The following EXD3 variants were observed in gnomAD, a reference collection of about 807,000 sequenced individuals.
The protein encoded by EXD3 is exonuclease 3'-5' domain containing 3, also known as exonuclease mut-7 homolog.
Under a neutral mutation model 98.0 loss-of-function variants are expected in EXD3, and 92 were observed. The ratio of observed to expected loss-of-function variants is 0.94; its 90% CI spans 0.79 to 1.12. EXD3 has a LOEUF of 1.12. Ranked by LOEUF, EXD3 falls within the 50% of genes most tolerant of loss-of-function variation. The pLI, the probability that EXD3 is intolerant of heterozygous loss-of-function variation, is 0.00. For synonymous variants in EXD3, 569 were observed against 526.0 expected, an observed-to-expected ratio of 1.08 and a Z score of -1.12; for missense variants, 1,222 against 1,191.6, an observed-to-expected ratio of 1.03 and a Z score of -0.38.
chr9:137,347,257 G>A lies in EXD3; in HGVS notation c.1998+814C>T, dbSNP rs139061382. ...TGAAATCACAGTGTTCGCGACGGCA[G>A]GCTCCTCTTAGGAGACTCCGGGGAA... On this transcript the variant is annotated intron_variant, in intron 17 of 21. Coordinates refer to ENST00000340951, the MANE Select transcript of EXD3 (RefSeq NM_017820.5). This position sits in a 1 kb window ranked among gnomAD's most constrained non-coding sequence, Gnocchi z 4.2. Among the ~76,000 whole-genome samples, 1 of 152,198 alleles carries A rather than the reference G, an allele frequency of 6.6e-6. No homozygotes were observed. The highest frequency in any genetic ancestry group is 1.5e-5 in the Non-Finnish European group (1 of 68,038).
At chr9:137,388,665 G>A (rs544727267) in intron 2 of EXD3, among the ~76,000 whole-genome samples, 1 of 152,278 alleles carries the variant, frequency 6.6e-6, no homozygotes, top group East Asian at 1.9e-4. Context: ...GGGACACCCG[G>A]CCTCCAGGCA....
At chr9:137,365,625 G>GCA in intron 7 of EXD3, 1 of 190,956 alleles carries the variant, frequency 5.2e-6, no homozygotes. Context: ...ACACCTGCAG[G>GCA]CACACACACG....
intron 19 of EXD3, among the ~76,000 whole-genome samples, chr9:137,322,319 G>A (rs200612936): frequency 6.8e-6 from 1 of 147,996 alleles, no homozygotes; most frequent in Non-Finnish European, 1.5e-5. Context: ...CACTAGGGAT[G>A]CTCTGCCGAC....
At chr9:137,367,793 T>A in intron 6 of EXD3, 143 bp downstream of exon 6, 1 of 739,152 alleles carries the variant, frequency 1.4e-6, no homozygotes, top group South Asian at 1.7e-5. Context: ...TAGGGGGCTC[T>A]GGAGGCCCTC....
intron 8 of EXD3, 35 bp from the exon 9 acceptor site, chr9:137,354,808 A>AG (rs1564506896): frequency 1.3e-6 from 2 of 1,587,276 alleles, no homozygotes; most frequent in South Asian, 2.2e-5. Context: ...CTGAGGGCTC[A>AG]GGGCAGCCTC....
intron 8 of EXD3, among the ~76,000 whole-genome samples, chr9:137,355,283 C>A (rs933456457): frequency 1.3e-5 from 2 of 152,132 alleles, no homozygotes; most frequent in African/African-American, 4.8e-5. Context: ...GAGCCCTTTT[C>A]CCCCAGGGTG....
rs1834118148 is a variant in EXD3 at position 137,349,199 on chromosome 9, C to G, written c.1741G>C (p.Gly581Arg). ...TCTCTGTGCCTGGGCCTCCGGCTCCCAGCCAGGTCCTCCGACAGGTGGAAG... is the reference window on the plus strand; with the variant it reads ...TCTCTGTGCCTGGGCCTCCGGCTCCGAGCCAGGTCCTCCGACAGGTGGAAG... ...ARFHLSEDLA[G>R]SRRPRHRERP... Residue 581 changes from glycine to arginine, a missense_variant, in exon 16 of 22, where the codon GGG (glycine) becomes CGG (arginine). Gly to Arg is a moderately radical substitution (Grantham distance 125). Transcript: ENST00000340951. The surrounding 1 kb of genome is among the most constrained non-coding windows in gnomAD (Gnocchi z 7.4). 6.3e-7 allele frequency: 1 copy of G among 1,585,822 alleles called. No individual in the cohort carries two copies. Among genetic ancestry groups the G allele is most frequent in the Non-Finnish European group, 8.5e-7 (1 of 1,172,216 alleles).
intron 19 of EXD3, among the ~76,000 whole-genome samples, chr9:137,314,909 G>A (rs1383323741): frequency 4.6e-5 from 7 of 152,216 alleles, no homozygotes; most frequent in African/African-American, 1.4e-4. Flanking sequence ...CCCCTCGTGC[G>A]CGGGGAGACG....
At chr9:137,338,892 CAA>C (rs766408966) in intron 17 of EXD3, among the ~76,000 whole-genome samples, 22 of 63,554 alleles carry the variant, frequency 3.5e-4, no homozygotes, top group African/African-American at 3.0e-4. Flanking sequence ...GACTCCATCT[CAA>C]AAAAAAAAAA....
chr9:137,374,961 T>C (rs1835819912), intron 3 of EXD3: 1 of 609,254 alleles, frequency 1.6e-6, no homozygotes, highest in African/African-American at 2.0e-5. Context: ...GTTATAGCTC[T>C]AGTGAGTTCC....
In EXD3 at chr9:137,385,313, G is replaced by C. The variant is rs1354254334; in HGVS notation, c.56-1936C>G. Among the ~76,000 whole-genome samples the C allele has an allele frequency of 6.6e-6, 1 of 152,102 alleles. No individual in the cohort carries two copies. The highest frequency in any genetic ancestry group is 2.4e-5 in the African/African-American group (1 of 41,422). On this transcript the variant is annotated intron_variant, in intron 2 of 21. Transcript: ENST00000340951. This position sits in a 1 kb window ranked among gnomAD's most constrained non-coding sequence, Gnocchi z 4.4. ...ATCAGCCCCGGGACGATGCCCAGGT[G>C]GGGAGGACGTACCCCACCACGTGGC...
chr9:137,409,158 C>T (rs1282844034), intron 1 of EXD3, among the ~76,000 whole-genome samples: 2 of 152,192 alleles, frequency 1.3e-5, no homozygotes. Context: ...CCTGGGTTAT[C>T]ACGGGAGTGG....
Position 137,354,702 on chromosome 9 carries a change from C to T in EXD3, c.829G>A (p.Glu277Lys). The change falls in exon 9 of 22, where the codon GAG (glutamate) becomes AAG (lysine). Residue 277 changes from glutamate to lysine, a missense_variant and splice_region_variant. Coordinates refer to ENST00000340951, the MANE Select transcript of EXD3 (RefSeq NM_017820.5). ...AGGACCCCCTCCTGCTCACGAACCT[C>T]CACAAACCGCTTGTGGCACAGGTGC... ...LRHLCHKRFV[E>K]KSLSQENWTD... is the part of the protein sequence containing the mutation. 2 of 1,610,856 alleles carry T rather than the reference C, an allele frequency of 1.2e-6. No individual in the cohort carries two copies. Among genetic ancestry groups the T allele is most frequent in the South Asian group, 1.1e-5 (1 of 91,086 alleles).
intron 14 of EXD3, among the ~76,000 whole-genome samples, chr9:137,350,714 G>A (rs1331754629): frequency 6.6e-6 from 1 of 151,880 alleles, no homozygotes; most frequent in South Asian, 2.1e-4. Context: ...TCACGGGGAG[G>A]GGGCTAGATA....
At chr9:137,361,776 G>T (rs1835007212) in intron 7 of EXD3, among the ~76,000 whole-genome samples, 2 of 150,302 alleles carry the variant, frequency 1.3e-5, no homozygotes, top group Admixed American at 1.3e-4. Context: ...TACCAGGCAT[G>T]CAGAGAAGAG....
Position 137,349,405 on chromosome 9 carries a change from G to C in EXD3, c.1621C>G (p.Arg541Gly), listed in dbSNP as rs370151337. ...DKTQQLSNWD[R>G]RPLCEEQVIY... ...ACCTGCTCCTCGCAGAGCGGCCTCC[G>C]GTCCCAGTTGGACAGCTGCTGCGTC... is the stretch of plus-strand genomic sequence containing the variant. Residue 541 changes from arginine to glycine, a missense_variant, in exon 15 of 22, where the codon CGG (arginine) becomes GGG (glycine). Arg to Gly is a moderately radical substitution (Grantham distance 125, BLOSUM62 -2). Coordinates refer to ENST00000340951, the MANE Select transcript of EXD3 (RefSeq NM_017820.5). The surrounding 1 kb of genome is among the most constrained non-coding windows in gnomAD (Gnocchi z 7.4). 9.3e-5 allele frequency: 148 copies of C among 1,597,170 alleles called. No homozygotes were observed. The highest frequency in any genetic ancestry group is 1.3e-4 in the Non-Finnish European group (148 of 1,176,446).
intron 1 of EXD3, among the ~76,000 whole-genome samples, chr9:137,399,897 C>T (rs1046654295): frequency 1.3e-5 from 2 of 152,056 alleles, no homozygotes; most frequent in South Asian, 2.1e-4. Flanking sequence ...AGCAGCCAGG[C>T]GTGGTGGTGG....
Position 137,327,162 on chromosome 9 carries a change from C to A in EXD3, c.1999-3019G>T, listed in dbSNP as rs1427197146. On this transcript the variant is annotated intron_variant, in intron 17 of 21. Transcript: ENST00000340951. Reference sequence around the variant, plus strand: ...TTTTTTTTTTTTTTTGAGACAGAGTCTTGCTCTGTCGCCCAGGCTGGAGTG... The same window carrying A: ...TTTTTTTTTTTTTTTGAGACAGAGTATTGCTCTGTCGCCCAGGCTGGAGTG... Among the ~76,000 whole-genome samples the A allele has an allele frequency of 2.0e-5, 3 of 146,738 alleles. No homozygotes were observed. The Admixed American group carries it at 2.1e-4, about 10-fold the overall frequency.
At position 137,407,958 on chromosome 9, in the gene EXD3, TCCAGCCTCACGCCTCCGGGGGTCTCC is replaced by T. The variant is rs1319995217; in HGVS notation, c.-47-12580_-47-12555del. Among the ~76,000 whole-genome samples, 1 of 151,188 alleles carries T rather than the reference TCCAGCCTCACGCCTCCGGGGGTCTCC, an allele frequency of 6.6e-6. No homozygotes were observed. Among genetic ancestry groups the T allele is most frequent in the African/African-American group, 2.4e-5 (1 of 41,372 alleles). ...CGGAGCCTCAAGCCTCCAGGGGTTT[TCCAGCCTCACGCCTCCGGGGGTCTCC>T]CCAGCCTCATGCCTCTGGGGATCTC... On this transcript the variant is annotated intron_variant, in intron 1 of 21. Coordinates refer to ENST00000340951, the MANE Select transcript of EXD3 (RefSeq NM_017820.5). The surrounding 1 kb of genome is among the most constrained non-coding windows in gnomAD (Gnocchi z 4.4).
Sources: allele counts gnomAD v4.1 joint callset (sites outside exome capture counted in the v4.1 genomes callset), GRCh38; gene constraint gnomAD v4.1.1; non-coding constraint Gnocchi (gnomAD v3.1); transcripts MANE v1.5; gene names NCBI Gene and HGNC (gene_info 2026-07-23, HGNC 2026-07-21).